FECH: variants seen among roughly 807,000 people sequenced by gnomAD.
The protein encoded by FECH is ferrochelatase, mitochondrial.
FECH carries 40 observed loss-of-function variants against 56.9 expected under a neutral mutation model. That is an observed-to-expected ratio of 0.70 (90% CI 0.55 to 0.92). The LOEUF (loss-of-function observed/expected upper bound fraction) is 0.92. Among genes scored for constraint, FECH ranks in the 40% least tolerant of loss-of-function variants. The pLI is 0.00. For synonymous variants in FECH, 175 were observed against 198.6 expected, an observed-to-expected ratio of 0.88 and a Z score of 1.00; for missense variants, 431 against 529.1, an observed-to-expected ratio of 0.81 and a Z score of 1.82.
At chr18:57,576,493 A>C (rs920341983) in intron 2 of FECH, among the ~76,000 whole-genome samples, 1 of 152,178 alleles carries the variant, frequency 6.6e-6, no homozygotes, top group African/African-American at 2.4e-5. Context: ...ACAATAAATT[A>C]AGTGCATTTT....
In FECH at chr18:57,549,756, C is replaced by T. The variant is rs1320428433; in HGVS notation, c.*956G>A. On this transcript the variant is annotated 3_prime_UTR_variant, in exon 11 of 11. Transcript: ENST00000262093. ...TCACATGTCCCATTGTATCACTATA[C>T]ATTTTTATAATAAAAAATCGTAAAT... is the stretch of plus-strand genomic sequence containing the variant. 1 of 152,178 alleles carries T rather than the reference C, an allele frequency of 6.6e-6. No homozygotes were observed. Among genetic ancestry groups the T allele is most frequent in the Non-Finnish European group, 1.5e-5 (1 of 68,026 alleles). The allele number at this position is 152,178 out of a possible 1,614,324, so 9.4% of individuals were successfully genotyped here.
chr18:57,550,947 G>C, intron 10 of FECH, 101 bp from the exon 11 acceptor site: 1 of 1,513,894 alleles, frequency 6.6e-7, no homozygotes, highest in Non-Finnish European at 9.1e-7. Context: ...CTGGCTTGGG[G>C]TTTCTTTTCA....
intron 4 of FECH, among the ~76,000 whole-genome samples, chr18:57,568,429 A>T (rs1016394299): frequency 3.3e-5 from 5 of 152,234 alleles, no homozygotes; most frequent in Non-Finnish European, 5.9e-5. Flanking sequence ...ACCTGTAAAC[A>T]CATATTGGAG....
rs1368673574 is a variant in FECH at position 57,579,959 on chromosome 18, T to G, written c.194+114A>C. The G allele has an allele frequency of 3.5e-6, 5 of 1,422,362 alleles. No individual in the cohort carries two copies. The African/African-American group carries it at 7.0e-5, about 20-fold the overall frequency. 88.1% of individuals were successfully genotyped at this position (1,422,362 alleles called of 1,614,324 possible). On this transcript the variant is annotated intron_variant, in intron 2 of 10. Coordinates refer to ENST00000262093, the MANE Select transcript of FECH (RefSeq NM_000140.5). ...AGCTATTGAAAGGAAGCCAAGAAAATAGCTCCTTCCACACTGGCTTTTCCC... is the reference window on the plus strand; with the variant it reads ...AGCTATTGAAAGGAAGCCAAGAAAAGAGCTCCTTCCACACTGGCTTTTCCC...
chr18:57,567,528 G>T (rs758638073), intron 4 of FECH, among the ~76,000 whole-genome samples: 1 of 152,154 alleles, frequency 6.6e-6, no homozygotes, highest in Admixed American at 6.5e-5. Context: ...CTTTTCATAG[G>T]ATTACACATA....
chr18:57,570,355 C>T (rs1215292661), intron 4 of FECH, among the ~76,000 whole-genome samples: 2 of 152,082 alleles, frequency 1.3e-5, no homozygotes, highest in South Asian at 2.1e-4. Context: ...GGAAGCAAGC[C>T]GAATATGCAG....
At chr18:57,551,476 C>T (rs1049363450) in intron 9 of FECH, 102 bp from the exon 10 acceptor site, 2 of 872,604 alleles carry the variant, frequency 2.3e-6, no homozygotes, top group African/African-American at 1.7e-5. Context: ...CAGATACACA[C>T]ACACAATTCA....
In FECH at chr18:57,550,838, G is replaced by A. The variant is rs146918011; in HGVS notation, c.1146C>T (p.Ala382=). Residue 382 remains alanine (A), a synonymous_variant, in exon 11 of 11, where the codon GCC becomes GCT. Transcript: ENST00000262093. The stretch of plus-strand genomic sequence containing the variant: ...ACTGGATGTGTGAATGCACCAAGTC[G>A]GCCAGGGCCTGGAAGATAGACAAGA... ...NGNPLFSKAL[A]DLVHSHIQSN... 167 of 1,613,750 alleles carry A rather than the reference G, an allele frequency of 1.0e-4. No individual in the cohort carries two copies. The African/African-American group carries it at 1.3e-3, about 13-fold the overall frequency.
intron 1 of FECH, among the ~76,000 whole-genome samples, chr18:57,583,788 C>T (rs560743997): frequency 6.6e-6 from 1 of 152,040 alleles, no homozygotes; most frequent in East Asian, 1.9e-4. Context: ...TGGAGAGACC[C>T]TATCTCTATT....
chr18:57,552,453 T>G (rs540178780), intron 9 of FECH, among the ~76,000 whole-genome samples: 1 of 152,190 alleles, frequency 6.6e-6, no homozygotes, highest in Non-Finnish European at 1.5e-5. Context: ...CAGGCTGGAG[T>G]GCAGTAGTGC....
chr18:57,565,060 G>C (rs952478028), intron 5 of FECH, among the ~76,000 whole-genome samples: 1 of 152,174 alleles, frequency 6.6e-6, no homozygotes, highest in Non-Finnish European at 1.5e-5. Context: ...GAAAAACTAA[G>C]CATACAGTGA....
Position 57,580,206 on chromosome 18 carries a change from C to A in FECH, c.68-7G>T, listed in dbSNP as rs369356106. ...CTCCAGCTGCTGGATGCCACTGTGA[C>A]AAAATTAAAGTGCTCGCATGAAATC... On this transcript the variant is annotated splice_polypyrimidine_tract_variant and splice_region_variant and intron_variant, in intron 1 of 10. Coordinates refer to ENST00000262093, the MANE Select transcript of FECH (RefSeq NM_000140.5). 1.9e-6 allele frequency: 3 copies of A among 1,614,128 alleles called. No homozygotes were observed. The highest frequency in any genetic ancestry group is 2.5e-6 in the Non-Finnish European group (3 of 1,180,022).
At chr18:57,559,847 AG>A (rs2050918907) in intron 6 of FECH, among the ~76,000 whole-genome samples, 1 of 152,212 alleles carries the variant, frequency 6.6e-6, no homozygotes, top group Non-Finnish European at 1.5e-5. Context: ...TGGTAAACTT[AG>A]GGGCCCATTC....
rs537199368 is a variant in FECH at position 57,558,706 on chromosome 18, G to A, written c.804+439C>T. 5.2e-3 allele frequency among the ~76,000 whole-genome samples: 786 copies of A among 152,300 alleles called. 1 individual carries two copies. The highest frequency in any genetic ancestry group is 8.3e-3 in the Non-Finnish European group (562 of 68,014). ...AGGCCTGGGCGGGTGGATCACCTAA[G>A]GTCAGGAGTTTGAGACCAGCCTGGC... On this transcript the variant is annotated intron_variant, in intron 7 of 10. Coordinates refer to ENST00000262093, the MANE Select transcript of FECH (RefSeq NM_000140.5).
chr18:57,580,070 T>C lies in FECH; in HGVS notation c.194+3A>G. 6.2e-7 allele frequency: 1 copy of C among 1,614,090 alleles called. No individual in the cohort carries two copies. The highest frequency in any genetic ancestry group is 8.5e-7 in the Non-Finnish European group (1 of 1,180,044). On this transcript the variant is annotated splice_donor_region_variant and intron_variant, in intron 2 of 10. Transcript: ENST00000262093. ...TTATTTGTACCTGATGTTAGACTCATACCTCTTCTGCGGTTGAACTTGAGG... is the reference window on the plus strand; with the variant it reads ...TTATTTGTACCTGATGTTAGACTCACACCTCTTCTGCGGTTGAACTTGAGG...
At chr18:57,559,038 G>A in intron 7 of FECH, 107 bp downstream of exon 7, 1 of 779,424 alleles carries the variant, frequency 1.3e-6, no homozygotes, top group Middle Eastern at 2.3e-4. Flanking sequence ...ATTCATTCTT[G>A]CACTGGGCTT....
intron 2 of FECH, 156 bp downstream of exon 2, chr18:57,579,917 A>G: frequency 1.0e-6 from 1 of 983,756 alleles, no homozygotes; most frequent in Non-Finnish European, 1.6e-6. Context: ...AGGAGGGTGT[A>G]AAATCTATGG....
intron 2 of FECH, among the ~76,000 whole-genome samples, chr18:57,579,061 A>G (rs925206971): frequency 6.6e-6 from 1 of 151,906 alleles, no homozygotes; most frequent in African/African-American, 2.4e-5. Context: ...CAGCCTGGCT[A>G]ACATAGTGAA....
intron 9 of FECH, among the ~76,000 whole-genome samples, chr18:57,553,817 C>T (rs1334339227): frequency 6.6e-6 from 1 of 152,186 alleles, no homozygotes; most frequent in African/African-American, 2.4e-5. Context: ...GACAATGACT[C>T]CTATATGCCT....
Sources: allele counts gnomAD v4.1 joint callset (sites outside exome capture counted in the v4.1 genomes callset), GRCh38; gene constraint gnomAD v4.1.1; transcripts MANE v1.5; gene names NCBI Gene and HGNC (gene_info 2026-07-23, HGNC 2026-07-21).